Variants in SAMHD1 observed in about 807,000 individuals in gnomAD.
The protein encoded by SAMHD1 is deoxynucleoside triphosphate triphosphohydrolase SAMHD1.
Under a neutral mutation model 79.6 loss-of-function variants are expected in SAMHD1, and 54 were observed. The observed-to-expected ratio is 0.68, with a 90% CI of 0.55 to 0.85. The LOEUF is 0.85. SAMHD1 is among the 40% of genes least tolerant of loss of function. The pLI is 0.00. For synonymous variants in SAMHD1, 260 were observed against 264.1 expected, an observed-to-expected ratio of 0.98 and a Z score of 0.15; for missense variants, 663 against 782.7, an observed-to-expected ratio of 0.85 and a Z score of 1.82.
At position 36,890,408 on chromosome 20, in the gene SAMHD1, T is replaced by TTCTTTCTTTCTTTCTTTC. The variant is rs1568754689; in HGVS notation, c.*2523_*2524insGAAAGAAAGAAAGAAAGA. 6.7e-6 allele frequency: 1 copy of TTCTTTCTTTCTTTCTTTC among 149,696 alleles called. No homozygotes were observed. Among genetic ancestry groups the TTCTTTCTTTCTTTCTTTC allele is most frequent in the Non-Finnish European group, 1.5e-5 (1 of 67,604 alleles). 9.3% of individuals were successfully genotyped at this position (149,696 alleles called of 1,614,324 possible). On this transcript the variant is annotated 3_prime_UTR_variant, in exon 16 of 16. Transcript: ENST00000646673. ...AAGATATTTCTTTCTCTTTCTTTCTTTCTTTCTTTCTTTTCTTTCTCTCTT... is the reference window on the plus strand; with the variant it reads ...AAGATATTTCTTTCTCTTTCTTTCTTTCTTTCTTTCTTTCTTTCTCTTTCTTTCTTTTCTTTCTCTCTT...
intron 15 of SAMHD1, chr20:36,893,665 C>G (rs748661031): frequency 7.8e-6 from 3 of 385,862 alleles, no homozygotes; most frequent in African/African-American, 4.1e-5. Context: ...ATACTTGACT[C>G]TATGCTAAAC....
At chr20:36,934,517 CAAAAAAAAAA>C (rs35696057) in intron 4 of SAMHD1, 4 of 53,996 alleles carry the variant, frequency 7.4e-5, no homozygotes, top group Admixed American at 3.1e-4. Context: ...GACTCTGTCT[CAAAAAAAAAA>C]AAAAAAAAAA....
chr20:36,904,702 G>C, intron 12 of SAMHD1: 1 of 188,812 alleles, frequency 5.3e-6, no homozygotes, highest in Non-Finnish European at 1.1e-5. Context: ...GGGTGACAGA[G>C]CGAGACTCTG....
chr20:36,915,631 C>G (rs2063469744), intron 9 of SAMHD1, among the ~76,000 whole-genome samples: 1 of 151,242 alleles, frequency 6.6e-6, no homozygotes, highest in Non-Finnish European at 1.5e-5. Flanking sequence ...TAGCTAGTCA[C>G]AAGGCTGAGG....
rs148384198 is a variant in SAMHD1, at chr20:36,907,039, G to A, written c.1271-1536C>T. 2.4e-3 allele frequency among the ~76,000 whole-genome samples: 370 copies of A among 151,184 alleles called. 6 individuals are homozygous for A. The highest frequency in any genetic ancestry group is 8.3e-3 in the African/African-American group (341 of 41,176). On this transcript the variant is annotated intron_variant, in intron 11 of 15. Transcript: ENST00000646673. ...ACTCCTGGCCTCAAGTGATCCACCCGCCTCAGCCTCCCAAAGTGCTGGGAT... is the reference window on the plus strand; with the variant it reads ...ACTCCTGGCCTCAAGTGATCCACCCACCTCAGCCTCCCAAAGTGCTGGGAT...
intron 12 of SAMHD1, chr20:36,904,586 G>A (rs1221885933): frequency 6.0e-5 from 20 of 334,696 alleles, no homozygotes; most frequent in Middle Eastern, 1.0e-3. Context: ...GCGTGGTGGC[G>A]GGTGCCTGTA....
At chr20:36,901,029 A>T (rs1014514806) in intron 13 of SAMHD1, among the ~76,000 whole-genome samples, 4 of 152,166 alleles carry the variant, frequency 2.6e-5, no homozygotes, top group Non-Finnish European at 5.9e-5. Context: ...TTATCAATTT[A>T]AAAAATACAT....
At chr20:36,914,436 C>T (rs1260981355) in intron 9 of SAMHD1, among the ~76,000 whole-genome samples, 11 of 151,924 alleles carry the variant, frequency 7.2e-5, no homozygotes, top group Admixed American at 1.3e-4. Context: ...CCACAGCCTC[C>T]GCCTCCCGGG....
chr20:36,941,053 C>G lies in SAMHD1; in HGVS notation c.334G>C (p.Val112Leu). 1 of 1,612,840 alleles carries G rather than the reference C, an allele frequency of 6.2e-7. No individual in the cohort carries two copies. The highest frequency in any genetic ancestry group is 8.5e-7 in the Non-Finnish European group (1 of 1,179,046). ...SYIQRLVQIH[V>L]DTMKVINDPI... ...GATCCTCTTACCTTCATTGTATCAA[C>G]GTGGATTTGAACCAATCGCTGGATA... Residue 112 changes from valine to leucine, a missense_variant, in exon 3 of 16, where the codon GTT becomes CTT. Transcript: ENST00000646673.
At chr20:36,931,778 T>C (rs1392970788) in intron 4 of SAMHD1, among the ~76,000 whole-genome samples, 2 of 151,710 alleles carry the variant, frequency 1.3e-5, no homozygotes, top group South Asian at 2.1e-4. Context: ...TAGATACATA[T>C]GATAAAATAT....
Position 36,890,408 on chromosome 20 carries a change from T to TTCTTTCTTTCTTTCTTTCTTTC in SAMHD1, c.*2523_*2524insGAAAGAAAGAAAGAAAGAAAGA, listed in dbSNP as rs1568754689. 3.3e-5 allele frequency: 5 copies of TTCTTTCTTTCTTTCTTTCTTTC among 149,696 alleles called. No homozygotes were observed. The highest frequency in any genetic ancestry group is 7.4e-5 in the African/African-American group (3 of 40,606). 9.3% of individuals were successfully genotyped at this position (149,696 alleles called of 1,614,324 possible). The stretch of plus-strand genomic sequence containing the variant: ...AAGATATTTCTTTCTCTTTCTTTCT[T>TTCTTTCTTTCTTTCTTTCTTTC]TCTTTCTTTCTTTTCTTTCTCTCTT... On this transcript the variant is annotated 3_prime_UTR_variant, in exon 16 of 16. Coordinates refer to ENST00000646673, the MANE Select transcript of SAMHD1 (RefSeq NM_015474.4).
chr20:36,910,339 G>A (rs1244643259), intron 11 of SAMHD1, among the ~76,000 whole-genome samples: 1 of 151,742 alleles, frequency 6.6e-6, no homozygotes, highest in Non-Finnish European at 1.5e-5. Flanking sequence ...GGAGGTTGAG[G>A]CTGCAATAAG....
At chr20:36,932,500 G>C (rs1017527017) in intron 4 of SAMHD1, among the ~76,000 whole-genome samples, 1 of 140,818 alleles carries the variant, frequency 7.1e-6, no homozygotes, top group African/African-American at 2.6e-5. Context: ...GTGTTGCCCA[G>C]GCTGGAGTGC....
At chr20:36,898,772 C>T (rs1192372492) in intron 13 of SAMHD1, among the ~76,000 whole-genome samples, 2 of 151,744 alleles carry the variant, frequency 1.3e-5, no homozygotes, top group Non-Finnish European at 2.9e-5. Context: ...ATTAGCTGGG[C>T]GTGGTGGCAT....
chr20:36,916,292 A>G (rs569567802), intron 9 of SAMHD1, among the ~76,000 whole-genome samples: 6 of 152,148 alleles, frequency 3.9e-5, no homozygotes, highest in African/African-American at 1.4e-4. Context: ...TATCTATCTC[A>G]CAGGGTTATA....
At chr20:36,894,161 C>A (rs1283466683) in intron 15 of SAMHD1, 1 of 389,808 alleles carries the variant, frequency 2.6e-6, no homozygotes, top group African/African-American at 2.1e-5. Context: ...TGTATCTCAC[C>A]CCCATGTTAA....
chr20:36,923,112 T>C (rs1482209985), intron 6 of SAMHD1, among the ~76,000 whole-genome samples: 2 of 152,176 alleles, frequency 1.3e-5, no homozygotes, highest in African/African-American at 4.8e-5. Flanking sequence ...GCCATTCTCC[T>C]GCCTCAGCCT....
chr20:36,922,077 T>A (rs1315196412), intron 6 of SAMHD1, among the ~76,000 whole-genome samples: 1 of 152,140 alleles, frequency 6.6e-6, no homozygotes, highest in Non-Finnish European at 1.5e-5. Context: ...TTGAGGAACA[T>A]TCCACAAAAT....
intron 11 of SAMHD1, among the ~76,000 whole-genome samples, chr20:36,908,361 A>C (rs1404464381): frequency 6.6e-6 from 1 of 150,942 alleles, no homozygotes; most frequent in Non-Finnish European, 1.5e-5. Context: ...CCCCAACCTC[A>C]GCATCCTGAG....
Sources: allele counts gnomAD v4.1 joint callset (sites outside exome capture counted in the v4.1 genomes callset), GRCh38; gene constraint gnomAD v4.1.1; transcripts MANE v1.5; gene names NCBI Gene and HGNC (gene_info 2026-07-23, HGNC 2026-07-21).